Variants in KCNK12 observed in about 807,000 individuals in gnomAD.
KCNK12 encodes the protein potassium two pore domain channel subfamily K member 12.
KCNK12 carries 6 observed loss-of-function variants against 25.3 expected under a neutral mutation model. That is an observed-to-expected ratio of 0.24 (90% CI 0.13 to 0.47). The LOEUF (loss-of-function observed/expected upper bound fraction) is 0.47, where lower values mean the gene tolerates loss of function less well. KCNK12 is among the 20% of genes least tolerant of loss of function. KCNK12 has a pLI of 0.99. For synonymous variants in KCNK12, 331 were observed against 311.1 expected (o/e 1.06, Z -0.67); for missense variants, 444 against 661.7 (o/e 0.67, Z 3.61).
chr2:47,543,423 A>G (rs1047133910), intron 1 of KCNK12: 3 of 152,166 alleles, frequency 2.0e-5, no homozygotes, highest in Non-Finnish European at 4.4e-5. Context: ...TAGATGCACA[A>G]TCTGAGGCTC....
chr2:47,532,955 T>C (rs988251373), intron 1 of KCNK12, among the ~76,000 whole-genome samples: 5 of 152,208 alleles, frequency 3.3e-5, no homozygotes, highest in African/African-American at 1.2e-4. Flanking sequence ...GACACATTCC[T>C]TACCTTCTCG....
At chr2:47,535,267 G>A (rs1270876886) in intron 1 of KCNK12, 2 of 233,108 alleles carry the variant, frequency 8.6e-6, no homozygotes, top group Non-Finnish European at 1.7e-5. Context: ...AGAGCTGTGT[G>A]TCTGCTCTGC....
chr2:47,539,939 T>C (rs1431879335), intron 1 of KCNK12, among the ~76,000 whole-genome samples: 1 of 152,184 alleles, frequency 6.6e-6, no homozygotes, highest in Non-Finnish European at 1.5e-5. Context: ...TCACAAGCCC[T>C]GGAGTCAAGG....
At chr2:47,550,155 G>A (rs966848531) in intron 1 of KCNK12, among the ~76,000 whole-genome samples, 1 of 152,098 alleles carries the variant, frequency 6.6e-6, no homozygotes. Flanking sequence ...TTCAAAAAGA[G>A]AGGATAGGGT....
At position 47,556,465 on chromosome 2, in the gene KCNK12, T is replaced by C. The variant is rs1669552959; in HGVS notation, c.391+13476A>G. Among the ~76,000 whole-genome samples, 1 of 152,008 alleles carries C rather than the reference T, an allele frequency of 6.6e-6. No individual in the cohort carries two copies. Among genetic ancestry groups the C allele is most frequent in the African/African-American group, 2.4e-5 (1 of 41,362 alleles). On this transcript the variant is annotated intron_variant, in intron 1 of 1. Transcript: ENST00000327876. The surrounding 1 kb of genome is among the most constrained non-coding windows in gnomAD (Gnocchi z 4.8). ...AAGATGGAAGAGGGAGGATAAGTGG[T>C]GGACACAGTAGGAAGTACAGTGGGA...
intron 1 of KCNK12, among the ~76,000 whole-genome samples, chr2:47,552,736 C>A (rs1669464097): frequency 6.6e-6 from 1 of 152,072 alleles, no homozygotes; most frequent in Non-Finnish European, 1.5e-5. Flanking sequence ...CCACTCCACT[C>A]CAGCCTGGAT....
chr2:47,561,302 T>C (rs1179329229), intron 1 of KCNK12, among the ~76,000 whole-genome samples: 1 of 152,170 alleles, frequency 6.6e-6, no homozygotes, highest in Admixed American at 6.5e-5. Context: ...CATTCAGTTA[T>C]CCACCAATTA....
Position 47,519,151 on chromosome 2 carries a change from A to G in KCNK12, c.*1756T>C, listed in dbSNP as rs1003349758. The G allele has an allele frequency of 2.6e-5, 4 of 152,194 alleles. No homozygotes were observed. Among genetic ancestry groups the G allele is most frequent in the Admixed American group, 6.5e-5 (1 of 15,288 alleles). The allele number at this position is 152,194 out of a possible 1,614,324, so 9.4% of individuals were successfully genotyped here. ...CCCAGATTAGGGCCTGTGTTTAAAA[A>G]CCAATCCCAACTCAAATCAGAAATT... On this transcript the variant is annotated 3_prime_UTR_variant, in exon 2 of 2. Coordinates refer to ENST00000327876, the MANE Select transcript of KCNK12 (RefSeq NM_022055.2).
intron 1 of KCNK12, chr2:47,564,760 G>C (rs1669757865): frequency 1.2e-5 from 2 of 168,186 alleles, no homozygotes; most frequent in East Asian, 2.3e-4. Flanking sequence ...GGATGGAGCA[G>C]TGAATGGTAA....
intron 1 of KCNK12, among the ~76,000 whole-genome samples, chr2:47,546,033 T>C (rs1410821731): frequency 1.3e-5 from 2 of 152,092 alleles, no homozygotes; most frequent in Non-Finnish European, 2.9e-5. Context: ...GAGGCAACTA[T>C]GGACAGGGAA....
In KCNK12 at chr2:47,516,288, G is replaced by C. The variant is rs7587143; in HGVS notation, c.*4619C>G. ...AATGAAATCAGACTCCTGGGAGTAC[G>C]GCCCGGGCCTCGGGATCCTTTAAAG... On this transcript the variant is annotated 3_prime_UTR_variant, in exon 2 of 2. Transcript: ENST00000327876. Among the ~76,000 whole-genome samples the C allele has an allele frequency of 6.6e-6, 1 of 151,998 alleles. No homozygotes were observed. The highest frequency in any genetic ancestry group is 1.5e-5 in the Non-Finnish European group (1 of 67,996).
rs1668404252 is a variant in KCNK12 at position 47,511,586 on chromosome 2, C to T, written c.*9321G>A. Among the ~76,000 whole-genome samples, 1 of 152,170 alleles carries T rather than the reference C, an allele frequency of 6.6e-6. No homozygotes were observed. The highest frequency in any genetic ancestry group is 2.1e-4 in the South Asian group (1 of 4,826). The stretch of plus-strand genomic sequence containing the variant: ...TCACAGGGTAACCAAATGCTTTTGC[C>T]CTGGGGGTGGGAGAGGGATGGGTGC... On this transcript the variant is annotated 3_prime_UTR_variant, in exon 2 of 2. Coordinates refer to ENST00000327876, the MANE Select transcript of KCNK12 (RefSeq NM_022055.2). This position sits in a 1 kb window ranked among gnomAD's most constrained non-coding sequence, Gnocchi z 4.3.
At chr2:47,531,820 C>G (rs1351199630) in intron 1 of KCNK12, among the ~76,000 whole-genome samples, 3 of 152,174 alleles carry the variant, frequency 2.0e-5, no homozygotes, top group Non-Finnish European at 4.4e-5. Flanking sequence ...ACAGAAGTTT[C>G]CACTTCAGCC....
rs72888282 is a variant in KCNK12 at position 47,516,991 on chromosome 2, T to C, written c.*3916A>G. 20,999 of 151,630 alleles carry C rather than the reference T, an allele frequency of 0.14. 1,929 individuals carry two copies. Among genetic ancestry groups the C allele is most frequent in the African/African-American group, 0.25 (10,282 of 41,278 alleles). The allele number at this position is 151,630 out of a possible 1,614,324, so 9.4% of individuals were successfully genotyped here. ...CTCCCTCCCTCTCCACCCTACAAAG[T>C]GAGGAGCCTTGAGTCACCACCAGCA... On this transcript the variant is annotated 3_prime_UTR_variant, in exon 2 of 2. Coordinates refer to ENST00000327876, the MANE Select transcript of KCNK12 (RefSeq NM_022055.2).
At position 47,509,956 on chromosome 2, in the gene KCNK12, A is replaced by T. The variant is rs978758767; in HGVS notation, c.*10951T>A. 1.3e-5 allele frequency: 2 copies of T among 151,882 alleles called. No individual in the cohort carries two copies. Among genetic ancestry groups the T allele is most frequent in the Admixed American group, 6.6e-5 (1 of 15,244 alleles). 9.4% of individuals were successfully genotyped at this position (151,882 alleles called of 1,614,324 possible). On this transcript the variant is annotated 3_prime_UTR_variant, in exon 2 of 2. Coordinates refer to ENST00000327876, the MANE Select transcript of KCNK12 (RefSeq NM_022055.2). ...GGAACTGTAGGCATTCTCACTTCACACCCATCCCAATCCCCTCCCCCTTGC... is the reference window on the plus strand; with the variant it reads ...GGAACTGTAGGCATTCTCACTTCACTCCCATCCCAATCCCCTCCCCCTTGC...
At chr2:47,559,668 A>C (rs11885765) in intron 1 of KCNK12, among the ~76,000 whole-genome samples, 4,849 of 152,276 alleles carry the variant, frequency 0.032, 143 homozygotes, top group African/African-American at 0.071. Context: ...CGTTTTCTGC[A>C]TACCTACTAT....
intron 1 of KCNK12, among the ~76,000 whole-genome samples, chr2:47,568,102 C>G (rs1239287888): frequency 6.6e-6 from 1 of 152,092 alleles, no homozygotes; most frequent in Non-Finnish European, 1.5e-5. Context: ...CAACAGCTTC[C>G]CCTTTAGCCT....
At chr2:47,554,368 G>T (rs549400349) in intron 1 of KCNK12, among the ~76,000 whole-genome samples, 1 of 152,178 alleles carries the variant, frequency 6.6e-6, no homozygotes, top group Non-Finnish European at 1.5e-5. Context: ...GGGTTAGTGG[G>T]GGACACTACT....
chr2:47,551,581 G>C lies in KCNK12; in HGVS notation c.391+18360C>G, dbSNP rs185306545. Among the ~76,000 whole-genome samples the C allele has an allele frequency of 9.2e-5, 14 of 152,240 alleles. No homozygotes were observed. In the East Asian group the frequency reaches 2.1e-3, roughly 23 times the overall value. ...TATTTGTTGAATAAATGGATCAATG[G>C]GAATCATGTTTTCTGGATGCCAAAT... On this transcript the variant is annotated intron_variant, in intron 1 of 1. Coordinates refer to ENST00000327876, the MANE Select transcript of KCNK12 (RefSeq NM_022055.2). The surrounding 1 kb of genome is among the most constrained non-coding windows in gnomAD (Gnocchi z 5.3).
Sources: allele counts gnomAD v4.1 joint callset (sites outside exome capture counted in the v4.1 genomes callset), GRCh38; gene constraint gnomAD v4.1.1; non-coding constraint Gnocchi (gnomAD v3.1); transcripts MANE v1.5; gene names NCBI Gene and HGNC (gene_info 2026-07-23, HGNC 2026-07-21).